Variants in PDZD8 observed in about 807,000 individuals in gnomAD.
PDZD8 encodes the protein PDZ domain containing 8, also known as PDZ domain-containing protein 8.
PDZD8 carries 14 observed loss-of-function variants against 85.8 expected under a neutral mutation model. The observed-to-expected ratio is 0.16, with a 90% CI of 0.11 to 0.26. The LOEUF is 0.26. Among genes scored for constraint, PDZD8 ranks in the 10% least tolerant of loss-of-function variants. The pLI, the probability that PDZD8 is intolerant of heterozygous loss-of-function variation, is 1.00. For synonymous variants in PDZD8, 592 were observed against 568.6 expected, an observed-to-expected ratio of 1.04 and a Z score of -0.59; for missense variants, 1,197 against 1,424.3, an observed-to-expected ratio of 0.84 and a Z score of 2.57.
At chr10:117,340,703 G>A (rs1447169204) in intron 2 of PDZD8, among the ~76,000 whole-genome samples, 3 of 152,132 alleles carry the variant, frequency 2.0e-5, no homozygotes, top group Non-Finnish European at 4.4e-5. Context: ...CCAGTAGGTA[G>A]AATAAGTTAA....
At position 117,284,288 on chromosome 10, in the gene PDZD8, G is replaced by C; in HGVS notation, c.2445C>G (p.Pro815=). 6.2e-7 allele frequency: 1 copy of C among 1,613,764 alleles called. No individual in the cohort carries two copies. Among genetic ancestry groups the C allele is most frequent in the South Asian group, 1.1e-5 (1 of 91,022 alleles). The change falls in exon 5 of 5, where the codon CCC becomes CCG. Residue 815 remains proline (P), a synonymous_variant. Transcript: ENST00000334464. ...GAACAGAAACTTCTTCAACCAAATG[G>C]GGTTCTTTTTCTTTTTCTACGTTAG... is the stretch of plus-strand genomic sequence containing the variant. ...VVTNVEKEKE[P]HLVEEVSVLP...
At chr10:117,285,694 C>T (rs753564647) in intron 4 of PDZD8, 110 of 1,205,854 alleles carry the variant, frequency 9.1e-5, no homozygotes, top group Non-Finnish European at 1.1e-4. Context: ...AGATGTTTAC[C>T]TTTTCAAACC....
chr10:117,291,557 G>A (rs1485020057), intron 3 of PDZD8, among the ~76,000 whole-genome samples: 1 of 151,356 alleles, frequency 6.6e-6, no homozygotes, highest in Non-Finnish European at 1.5e-5. Context: ...ATCATGTGGT[G>A]GGGATGATGG....
At chr10:117,317,038 G>C (rs918949720) in intron 3 of PDZD8, among the ~76,000 whole-genome samples, 1 of 152,124 alleles carries the variant, frequency 6.6e-6, no homozygotes, top group Admixed American at 6.6e-5. Flanking sequence ...AAAACTCCAT[G>C]CTAACGAAGA....
chr10:117,290,307 T>C lies in PDZD8; in HGVS notation c.1140A>G (p.Thr380=), dbSNP rs767317832. Residue 380 remains threonine (T), a synonymous_variant, in exon 4 of 5, where the codon ACA becomes ACG. Coordinates refer to ENST00000334464, the MANE Select transcript of PDZD8 (RefSeq NM_173791.5). ...CATCAGTTGACTGGACAAGACGAAG[T>C]GTAAGTCCAACACTTTGTAAATTTC... is the stretch of plus-strand genomic sequence containing the variant. ...IKGNLQSVGL[T]LRLVQSTDGY... is the part of the protein sequence containing the mutation. 12 of 1,612,028 alleles carry C rather than the reference T, an allele frequency of 7.4e-6. No individual in the cohort carries two copies. Among genetic ancestry groups the C allele is most frequent in the Non-Finnish European group, 6.8e-6 (8 of 1,179,090 alleles).
chr10:117,299,233 A>C (rs553441455), intron 3 of PDZD8, among the ~76,000 whole-genome samples: 1 of 152,332 alleles, frequency 6.6e-6, no homozygotes, highest in South Asian at 2.1e-4. Context: ...TTCAGAAAAC[A>C]AAGAAAATCT....
intron 1 of PDZD8, among the ~76,000 whole-genome samples, chr10:117,349,160 T>A (rs1164865538): frequency 6.6e-6 from 1 of 152,162 alleles, no homozygotes; most frequent in Non-Finnish European, 1.5e-5. Context: ...AGGGCAACGA[T>A]GTCCTAAACC....
intron 4 of PDZD8, among the ~76,000 whole-genome samples, chr10:117,287,886 C>T (rs188717268): frequency 3.5e-4 from 53 of 152,320 alleles, no homozygotes; most frequent in Admixed American, 7.8e-4. Flanking sequence ...GTCCTTCTAA[C>T]CATACTATGT....
chr10:117,359,612 G>A (rs1473385776), intron 1 of PDZD8, among the ~76,000 whole-genome samples: 1 of 152,086 alleles, frequency 6.6e-6, no homozygotes, highest in Non-Finnish European at 1.5e-5. Context: ...TCGAGAGGCT[G>A]AGGTGGGAGA....
chr10:117,373,728 C>A (rs1845236404), intron 1 of PDZD8, among the ~76,000 whole-genome samples: 1 of 151,928 alleles, frequency 6.6e-6, no homozygotes. Context: ...TGCAGTAAGC[C>A]GAGATCGCGC....
rs113678804 is a variant in PDZD8 at position 117,341,567 on chromosome 10, C to T, written c.873-465G>A. Among the ~76,000 whole-genome samples, 551 of 152,238 alleles carry T rather than the reference C, an allele frequency of 3.6e-3. 3 individuals are homozygous for T. Among genetic ancestry groups the T allele is most frequent in the African/African-American group, 0.013 (521 of 41,538 alleles). On this transcript the variant is annotated intron_variant, in intron 1 of 4. Coordinates refer to ENST00000334464, the MANE Select transcript of PDZD8 (RefSeq NM_173791.5). ...CTCAAGTCTCTAATATAAAATGGCC[C>T]AGTATCTGCATTATACACATTCTCC...
At chr10:117,354,528 T>C (rs1844860108) in intron 1 of PDZD8, among the ~76,000 whole-genome samples, 1 of 152,110 alleles carries the variant, frequency 6.6e-6, no homozygotes, top group Non-Finnish European at 1.5e-5. Context: ...AAAGCTAAAC[T>C]ATTCTGTAAG....
rs1415496485 is a variant in PDZD8, at chr10:117,280,951, G to GT, written c.*2316dup. 6.6e-6 allele frequency: 1 copy of GT among 152,164 alleles called. No individual in the cohort carries two copies. The highest frequency in any genetic ancestry group is 1.5e-5 in the Non-Finnish European group (1 of 68,038). 9.4% of individuals were successfully genotyped at this position (152,164 alleles called of 1,614,324 possible). On this transcript the variant is annotated 3_prime_UTR_variant, in exon 5 of 5. Coordinates refer to ENST00000334464, the MANE Select transcript of PDZD8 (RefSeq NM_173791.5). Reference sequence around the variant, plus strand: ...TAGTCCACCTTCCAGGTTATCAATGGTAAGTTATTTTTTATAAAGTGGTTA... The same window carrying GT: ...TAGTCCACCTTCCAGGTTATCAATGGTTAAGTTATTTTTTATAAAGTGGTTA...
At position 117,285,220 on chromosome 10, in the gene PDZD8, C is replaced by A; in HGVS notation, c.1513G>T (p.Val505Phe). Residue 505 changes from valine to phenylalanine, a missense_variant, in exon 5 of 5, where the codon GTC becomes TTC. Physicochemically the swap from Val to Phe is conservative, Grantham distance 50 (BLOSUM62 -1). Around this residue, in one of 4 missense-constraint regions of PDZD8, gnomAD observed 263 missense variants for 261.9 expected, o/e 1.00. Transcript: ENST00000334464. ...TCTTTGAACTCATTTTGTGCTCTGA[C>A]ATCACTTGCCAAGTCTTCAAATTCA... ...DSEFEDLASD[V>F]RAQNEFKDEA... 1 of 1,614,210 alleles carries A rather than the reference C, an allele frequency of 6.2e-7. No individual in the cohort carries two copies. Among genetic ancestry groups the A allele is most frequent in the Admixed American group, 1.7e-5 (1 of 60,028 alleles).
In PDZD8 at chr10:117,283,802, G is replaced by A. The variant is rs142257198; in HGVS notation, c.2931C>T (p.Asn977=). The change falls in exon 5 of 5, where the codon AAC becomes AAT. Residue 977 remains asparagine (N), a synonymous_variant. Transcript: ENST00000334464. ...CACAGACCTCCGTGTCACTGCCTTC[G>A]TTGTCTGACGTGTTGGGTGTGTGTT... ...SPKHTPNTSD[N]EGSDTEVCGP... is the part of the protein sequence containing the mutation. 27 of 1,614,020 alleles carry A rather than the reference G, an allele frequency of 1.7e-5. No homozygotes were observed. Among genetic ancestry groups the A allele is most frequent in the Admixed American group, 1.3e-4 (8 of 59,998 alleles).
At position 117,319,024 on chromosome 10, in the gene PDZD8, TA is replaced by T. The variant is rs779184033; in HGVS notation, c.996-51del. ...AGAGTATCATACCTGTTATATTCAT[TA>T]AAATTTTTCTTTCTGATTATTATAA... On this transcript the variant is annotated intron_variant, in intron 2 of 4. Coordinates refer to ENST00000334464, the MANE Select transcript of PDZD8 (RefSeq NM_173791.5). 4 of 1,277,264 alleles carry T rather than the reference TA, an allele frequency of 3.1e-6. No homozygotes were observed. The Admixed American group carries it at 5.7e-5, about 18-fold the overall frequency. The allele number at this position is 1,277,264 out of a possible 1,614,324, so 79.1% of individuals were successfully genotyped here. A position where few individuals can be genotyped will look rare whatever the true frequency, so the allele number is the denominator to read the frequency against.
Position 117,284,362 on chromosome 10 carries a change from T to A in PDZD8, c.2371A>T (p.Ile791Phe), listed in dbSNP as rs143428470. The A allele has an allele frequency of 6.2e-7, 1 of 1,614,064 alleles. No individual in the cohort carries two copies. The highest frequency in any genetic ancestry group is 1.3e-5 in the African/African-American group (1 of 74,930). Residue 791 changes from isoleucine (I) to phenylalanine (F), a missense_variant, in exon 5 of 5, where the codon ATT becomes TTT. Transcript: ENST00000334464. ...CCTTCTTTCAAATATTTGAAGTGAA[T>A]AGTAATGTCACCATAGCAAAATTTG... ...NDKFCYGDITIHFKYLKEGES... is the reference protein window; with the variant it reads ...NDKFCYGDITFHFKYLKEGES...
intron 1 of PDZD8, among the ~76,000 whole-genome samples, chr10:117,366,391 A>G (rs1845090060): frequency 6.6e-6 from 1 of 152,208 alleles, no homozygotes. Context: ...AAAGACTTAA[A>G]AGTACTTTCA....
chr10:117,290,902 C>T (rs1172000612), intron 3 of PDZD8, among the ~76,000 whole-genome samples: 1 of 137,146 alleles, frequency 7.3e-6, no homozygotes, highest in Non-Finnish European at 1.5e-5. Flanking sequence ...CAGGGTCTCA[C>T]TCTGTCACCT....
Sources: allele counts gnomAD v4.1 joint callset (sites outside exome capture counted in the v4.1 genomes callset), GRCh38; gene constraint gnomAD v4.1.1; regional missense constraint gnomAD v4.1.1; transcripts MANE v1.5; gene names NCBI Gene and HGNC (gene_info 2026-07-23, HGNC 2026-07-21).